The following ALPK1 variants were observed in gnomAD, a reference collection of about 807,000 sequenced individuals.
ALPK1 encodes the protein alpha kinase 1.
ALPK1 carries 110 observed loss-of-function variants against 120.6 expected under a neutral mutation model. That is an observed-to-expected ratio of 0.91 (90% confidence interval 0.78 to 1.07). The LOEUF (loss-of-function observed/expected upper bound fraction) is 1.07, where lower values mean the gene tolerates loss of function less well. Ranked by LOEUF, ALPK1 falls within the 50% of genes least tolerant of loss-of-function variation. The pLI is 0.00. For synonymous variants in ALPK1, 582 were observed against 560.3 expected, an observed-to-expected ratio of 1.04 and a Z score of -0.55; for missense variants, 1,498 against 1,483.9, an observed-to-expected ratio of 1.01 and a Z score of -0.16.
At chr4:112,387,460 A>G (rs1214501009) in intron 4 of ALPK1, among the ~76,000 whole-genome samples, 3 of 152,122 alleles carry the variant, frequency 2.0e-5, no homozygotes, top group Non-Finnish European at 4.4e-5. Flanking sequence ...TCAGCCCTGG[A>G]TTTACTGTGG....
At chr4:112,334,284 T>C (rs1393975466) in intron 2 of ALPK1, among the ~76,000 whole-genome samples, 1 of 151,904 alleles carries the variant, frequency 6.6e-6, no homozygotes, top group Non-Finnish European at 1.5e-5. Context: ...AATACAAAAA[T>C]TAGCCAGGTG....
intron 2 of ALPK1, among the ~76,000 whole-genome samples, chr4:112,373,632 C>G (rs1273001156): frequency 6.6e-6 from 1 of 152,092 alleles, no homozygotes; most frequent in Admixed American, 6.6e-5. Context: ...TGGTGCGTAC[C>G]TGTAATCCTA....
At chr4:112,420,699 G>T (rs1249006077) in intron 5 of ALPK1, among the ~76,000 whole-genome samples, 1 of 152,190 alleles carries the variant, frequency 6.6e-6, no homozygotes, top group Admixed American at 6.5e-5. Context: ...AAGTCTTCCT[G>T]ATGTGAGGAC....
intron 2 of ALPK1, chr4:112,342,959 C>T (rs1247884323): frequency 6.6e-6 from 1 of 152,476 alleles, no homozygotes; most frequent in Admixed American, 6.5e-5. Context: ...CCTGATTCCT[C>T]CTGGTACAGA....
intron 2 of ALPK1, among the ~76,000 whole-genome samples, chr4:112,325,250 G>T (rs929653555): frequency 2.0e-5 from 3 of 152,090 alleles, no homozygotes; most frequent in Admixed American, 1.3e-4. Flanking sequence ...CAGGCTTTTG[G>T]CACGTACCAA....
rs112647391 is a variant in ALPK1 at position 112,339,955 on chromosome 4, G to A, written c.-101+24103G>A. 3.5e-4 allele frequency among the ~76,000 whole-genome samples: 54 copies of A among 152,322 alleles called. 1 individual carries two copies. The highest frequency in any genetic ancestry group is 1.2e-3 in the African/African-American group (49 of 41,580). On this transcript the variant is annotated intron_variant, in intron 2 of 15. Transcript: ENST00000650871. The stretch of plus-strand genomic sequence containing the variant: ...ATTGTGGATAGACACTTAGGAAAAA[G>A]TGAAATCAGCATAATATCGTCTCTT...
chr4:112,307,703 T>G (rs895064931), intron 1 of ALPK1, among the ~76,000 whole-genome samples: 3 of 152,156 alleles, frequency 2.0e-5, no homozygotes, highest in African/African-American at 7.2e-5. Context: ...CCTTATCCAA[T>G]TTGCCAGTCT....
At chr4:112,313,862 G>A (rs1218097769) in intron 1 of ALPK1, among the ~76,000 whole-genome samples, 2 of 152,220 alleles carry the variant, frequency 1.3e-5, no homozygotes, top group African/African-American at 2.4e-5. Context: ...TGGGAAGAGA[G>A]AGGTTGGAAG....
At position 112,432,057 on chromosome 4, in the gene ALPK1, GC is replaced by G. The variant is rs1475699959; in HGVS notation, c.2513del (p.Pro838GlnfsTer40). 6 of 1,613,972 alleles carry G rather than the reference GC, an allele frequency of 3.7e-6. No individual in the cohort carries two copies. The East Asian group carries it at 1.3e-4, about 36-fold the overall frequency. On this transcript the variant is annotated frameshift_variant, in exon 11 of 16. Transcript: ENST00000650871. LOFTEE classifies it high-confidence loss of function. Reference protein sequence around the residue: ...VQNPDSRKSGGPVAEQGIDPD... With the variant: ...VQNPDSRKSGXPVAEQGIDPD... ...AATCCTGACTCCAGAAAAAGTGGTG[GC>G]CCAGTCGCAGAGCAGGGCATCGACC...
In ALPK1 at chr4:112,305,996, A is replaced by G. The variant is rs549728012; in HGVS notation, c.-153+8527A>G. Among the ~76,000 whole-genome samples the G allele has an allele frequency of 4.0e-3, 602 of 152,154 alleles. 6 individuals are homozygous for G. The highest frequency in any genetic ancestry group is 0.017 in the Middle Eastern group (5 of 294). Reference sequence around the variant, plus strand: ...TTTGTCAAAGGCCTTTTCTGCATCTATTGAGATAATCATGTGGTTTTTGTC... The same window carrying G: ...TTTGTCAAAGGCCTTTTCTGCATCTGTTGAGATAATCATGTGGTTTTTGTC... On this transcript the variant is annotated intron_variant, in intron 1 of 15. Coordinates refer to ENST00000650871, the MANE Select transcript of ALPK1 (RefSeq NM_025144.4).
In ALPK1 at chr4:112,441,052, G is replaced by C. The variant is rs1464533111; in HGVS notation, c.3674G>C (p.Cys1225Ser). Residue 1225 changes from cysteine (C) to serine (S), a missense_variant, in exon 15 of 16, where the codon TGT (cysteine) becomes TCT (serine). Coordinates refer to ENST00000650871, the MANE Select transcript of ALPK1 (RefSeq NM_025144.4). ...TTCTTTAATAACCAGCATGTGGAAT[G>C]TAATGAAATCTGCCATCGTCTTTCT... ...FYFFNNQHVE[C>S]NEICHRLSLT... The C allele has an allele frequency of 6.2e-7, 1 of 1,613,960 alleles. No individual in the cohort carries two copies. Among genetic ancestry groups the C allele is most frequent in the South Asian group, 1.1e-5 (1 of 91,074 alleles).
At chr4:112,373,568 G>A (rs966957606) in intron 2 of ALPK1, among the ~76,000 whole-genome samples, 8 of 152,108 alleles carry the variant, frequency 5.3e-5, no homozygotes, top group African/African-American at 1.4e-4. Context: ...AGTTCCAACC[G>A]TCTGCACAGA....
At position 112,426,456 on chromosome 4, in the gene ALPK1, T is replaced by G. The variant is rs780940911; in HGVS notation, c.623-11T>G. 4 of 1,609,502 alleles carry G rather than the reference T, an allele frequency of 2.5e-6. No individual in the cohort carries two copies. The highest frequency in any genetic ancestry group is 3.4e-6 in the Non-Finnish European group (4 of 1,177,868). On this transcript the variant is annotated splice_polypyrimidine_tract_variant and intron_variant, in intron 7 of 15. Coordinates refer to ENST00000650871, the MANE Select transcript of ALPK1 (RefSeq NM_025144.4). ...CCCTGTCCCTCTCCCCGCCCCTCTT[T>G]TTTTTTTCAGGGATGTGGTACGAAG...
At chr4:112,386,850 T>C (rs1227294079) in intron 4 of ALPK1, among the ~76,000 whole-genome samples, 1 of 152,182 alleles carries the variant, frequency 6.6e-6, no homozygotes, top group Non-Finnish European at 1.5e-5. Flanking sequence ...TTTCTCCCTC[T>C]CTTATTTAAA....
intron 2 of ALPK1, among the ~76,000 whole-genome samples, chr4:112,365,396 C>T (rs534824266): frequency 6.6e-6 from 1 of 152,274 alleles, no homozygotes; most frequent in East Asian, 1.9e-4. Context: ...AAATCAGTAG[C>T]CCTACTATAT....
intron 2 of ALPK1, chr4:112,357,517 C>A: frequency 1.2e-6 from 1 of 868,542 alleles, no homozygotes. Context: ...CATGCGCAAG[C>A]TGGTCTGTCA....
intron 11 of ALPK1, among the ~76,000 whole-genome samples, chr4:112,433,209 A>C (rs903043409): frequency 6.6e-6 from 1 of 152,224 alleles, no homozygotes; most frequent in Non-Finnish European, 1.5e-5. Flanking sequence ...AATGCCATCA[A>C]CTGGGTAGCA....
intron 4 of ALPK1, among the ~76,000 whole-genome samples, chr4:112,400,953 T>G (rs1277978674): frequency 6.6e-6 from 1 of 151,992 alleles, no homozygotes. Flanking sequence ...TGAGAGTGAG[T>G]GTTGGGGAAA....
intron 4 of ALPK1, among the ~76,000 whole-genome samples, chr4:112,394,770 G>C (rs1053795664): frequency 6.6e-6 from 1 of 152,138 alleles, no homozygotes; most frequent in Non-Finnish European, 1.5e-5. Context: ...CCCATAATGA[G>C]GCCTGAAGAC....
Sources: gnomAD v4.1 joint callset for allele counts (sites outside exome capture counted in the v4.1 genomes callset) on GRCh38, gnomAD v4.1.1 for gene constraint, MANE v1.5 for transcripts, NCBI Gene and HGNC (gene_info 2026-07-23, HGNC 2026-07-21) for gene names.